Variants in CCDC80 observed in about 807,000 individuals in gnomAD.
The protein encoded by CCDC80 is coiled-coil domain containing 80, also known as coiled-coil domain-containing protein 80.
A neutral mutation model predicts 78.7 loss-of-function variants in CCDC80; 49 were observed. The ratio of observed to expected loss-of-function variants is 0.62; its 90% CI spans 0.50 to 0.79. The LOEUF is 0.79. CCDC80 is among the 30% of genes least tolerant of loss of function. The pLI is 0.00. For synonymous variants in CCDC80, 488 were observed against 447.0 expected, an observed-to-expected ratio of 1.09 and a Z score of -1.16; for missense variants, 1,205 against 1,198.6, an observed-to-expected ratio of 1.01 and a Z score of -0.08.
chr3:112,607,195 T>C lies in CCDC80; in HGVS notation c.2487A>G (p.Leu829=). Residue 829 remains leucine, a synonymous_variant, in exon 7 of 8, where the codon TTA becomes TTG. Transcript: ENST00000206423. ...CATTACCATTAATTGGGAACAGTTC[T>C]AACACTCCCCCAACTTCCTCTCCAA... ...LGVGEEVGGV[L]ELFPINGSSV... is the part of the protein sequence containing the mutation. 10 of 1,613,562 alleles carry C rather than the reference T, an allele frequency of 6.2e-6. No individual in the cohort carries two copies. The highest frequency in any genetic ancestry group is 8.5e-6 in the Non-Finnish European group (10 of 1,179,506).
rs1936276218 is a variant in CCDC80, at chr3:112,638,966, C to A, written c.940G>T (p.Asp314Tyr). 2.5e-6 allele frequency: 4 copies of A among 1,612,584 alleles called. No individual in the cohort carries two copies. The South Asian group carries it at 4.4e-5, about 18-fold the overall frequency. ...GGTGGGACTTGTGCTCTCCTTGGGTCCTCTTTCTTCTTCTCGCTGCCCAGG... is the reference window on the plus strand; with the variant it reads ...GGTGGGACTTGTGCTCTCCTTGGGTACTCTTTCTTCTTCTCGCTGCCCAGG... ...PSLGSEKKKEDPRRAQVPPTR... is the reference protein window; with the variant it reads ...PSLGSEKKKEYPRRAQVPPTR... The change falls in exon 2 of 8, where the codon GAC becomes TAC. Residue 314 changes from aspartate to tyrosine, a missense_variant. Transcript: ENST00000206423.
intron 5 of CCDC80, among the ~76,000 whole-genome samples, chr3:112,614,253 G>A (rs1333924821): frequency 6.6e-6 from 1 of 152,054 alleles, no homozygotes; most frequent in Non-Finnish European, 1.5e-5. Context: ...AAAAGTGATG[G>A]CAAAAATTTG....
intron 5 of CCDC80, among the ~76,000 whole-genome samples, chr3:112,615,213 G>A (rs375778971): frequency 2.1e-4 from 32 of 152,242 alleles, no homozygotes; most frequent in East Asian, 1.5e-3. Flanking sequence ...GAAGACCCAA[G>A]CCTCACAAAT....
At position 112,619,077 on chromosome 3, in the gene CCDC80, T is replaced by G. The variant is rs776014830; in HGVS notation, c.2063A>C (p.Asp688Ala). 1.4e-5 allele frequency: 23 copies of G among 1,603,384 alleles called. No homozygotes were observed. The highest frequency in any genetic ancestry group is 1.9e-5 in the Non-Finnish European group (22 of 1,176,368). ...LDNEKPMRVV[D>A]DEDLVDQRLI... ...ACGCTGGTCTACCAAGTCTTCATCATCCACCACTCGCATGGGCTTCTCATT... is the reference window on the plus strand; with the variant it reads ...ACGCTGGTCTACCAAGTCTTCATCAGCCACCACTCGCATGGGCTTCTCATT... Residue 688 changes from aspartate to alanine, a missense_variant, in exon 4 of 8, where the codon GAT becomes GCT. By Grantham distance (126) the Asp-to-Ala change is moderately radical. Transcript: ENST00000206423.
intron 3 of CCDC80, among the ~76,000 whole-genome samples, chr3:112,629,517 C>T (rs913369045): frequency 1.3e-5 from 2 of 152,172 alleles, no homozygotes; most frequent in African/African-American, 4.8e-5. Context: ...CTGTACGCCT[C>T]ATGAGTCTCA....
rs1935347591 is a variant in CCDC80 at position 112,600,046 on chromosome 3, AAGAAATGCTTTTATGG to A, written c.*5355_*5370del. The A allele has an allele frequency of 6.6e-6, 1 of 152,220 alleles. No individual in the cohort carries two copies. The highest frequency in any genetic ancestry group is 2.4e-5 in the African/African-American group (1 of 41,458). 9.4% of individuals were successfully genotyped at this position (152,220 alleles called of 1,614,324 possible). ...GGGAGTTTGGTAAGAAACGTTTGGG[AAGAAATGCTTTTATGG>A]AGAAACTACTCAGATTTGAAACTAC... On this transcript the variant is annotated 3_prime_UTR_variant, in exon 8 of 8. Transcript: ENST00000206423.
chr3:112,618,984 A>G lies in CCDC80; in HGVS notation c.2156T>C (p.Val719Ala), dbSNP rs1163936078. 14 of 1,613,840 alleles carry G rather than the reference A, an allele frequency of 8.7e-6. No individual in the cohort carries two copies. The highest frequency in any genetic ancestry group is 1.1e-5 in the Non-Finnish European group (13 of 1,179,964). Residue 719 changes from valine (V) to alanine (A), a missense_variant, in exon 4 of 8, where the codon GTG becomes GCG. Val to Ala is a moderately conservative substitution (Grantham distance 64, BLOSUM62 0). Coordinates refer to ENST00000206423, the MANE Select transcript of CCDC80 (RefSeq NM_199511.3). ...AAACTGTACCTTGACTCTCAGATCCACATCTGTTAGCACCATGAAGAAGTC... is the reference window on the plus strand; with the variant it reads ...AAACTGTACCTTGACTCTCAGATCCGCATCTGTTAGCACCATGAAGAAGTC... Reference protein sequence around the residue: ...YNDFFMVLTDVDLRVKQYYEV... With the variant: ...YNDFFMVLTDADLRVKQYYEV...
intron 2 of CCDC80, among the ~76,000 whole-genome samples, chr3:112,630,779 T>G (rs1488498199): frequency 6.6e-6 from 1 of 152,206 alleles, no homozygotes; most frequent in Non-Finnish European, 1.5e-5. Flanking sequence ...GAACTCTTAT[T>G]AGAAAACCTT....
In CCDC80 at chr3:112,638,340, G is replaced by A. The variant is rs544919809; in HGVS notation, c.1566C>T (p.Asp522=). ...GGGGAACATTCCCCACCTGCAGCTC[G>A]TCCTCCAGCTGAGAGGCAGTAGGCC... The part of the protein sequence containing the change: ...LSRPTASQLE[D]ELQVGNVPLK... The change falls in exon 2 of 8, where the codon GAC becomes GAT. Residue 522 remains aspartate (D), a synonymous_variant. Transcript: ENST00000206423. 2.7e-4 allele frequency: 436 copies of A among 1,613,812 alleles called. 6 individuals are homozygous for A. The South Asian group carries it at 4.0e-3, about 15-fold the overall frequency.
intron 2 of CCDC80, among the ~76,000 whole-genome samples, chr3:112,635,086 C>T (rs1398488048): frequency 6.6e-6 from 1 of 152,176 alleles, no homozygotes; most frequent in Non-Finnish European, 1.5e-5. Context: ...CTGGCTCCAC[C>T]TGCAGCTCCT....
intron 2 of CCDC80, among the ~76,000 whole-genome samples, chr3:112,630,578 A>G (rs1936078128): frequency 6.6e-6 from 1 of 152,236 alleles, no homozygotes; most frequent in Admixed American, 6.5e-5. Context: ...TGCTGTGAAC[A>G]TTACATGAAT....
At position 112,619,080 on chromosome 3, in the gene CCDC80, A is replaced by T; in HGVS notation, c.2060T>A (p.Val687Glu). The change falls in exon 4 of 8, where the codon GTG (valine) becomes GAG (glutamate). Residue 687 changes from valine to glutamate, a missense_variant. Physicochemically the swap from Val to Glu is moderately radical, Grantham distance 121. Coordinates refer to ENST00000206423, the MANE Select transcript of CCDC80 (RefSeq NM_199511.3). ...CTGGTCTACCAAGTCTTCATCATCC[A>T]CCACTCGCATGGGCTTCTCATTATC... The part of the protein sequence containing the change: ...QLDNEKPMRV[V>E]DDEDLVDQRL... 6.2e-7 allele frequency: 1 copy of T among 1,602,018 alleles called. No individual in the cohort carries two copies. The highest frequency in any genetic ancestry group is 8.5e-7 in the Non-Finnish European group (1 of 1,175,792).
At chr3:112,616,677 C>T in intron 5 of CCDC80, 33 bp downstream of exon 5, 3 of 1,612,740 alleles carry the variant, frequency 1.9e-6, no homozygotes, top group Non-Finnish European at 2.5e-6. Flanking sequence ...CAAATTTGCA[C>T]CTTCCTCTTT....
intron 3 of CCDC80, among the ~76,000 whole-genome samples, chr3:112,629,347 G>C (rs1481881362): frequency 6.6e-6 from 1 of 150,854 alleles, no homozygotes; most frequent in African/African-American, 2.4e-5. Context: ...AAGAAAAAAA[G>C]CTTTTTAAAA....
In CCDC80 at chr3:112,599,259, A is replaced by T. The variant is rs1307969878; in HGVS notation, c.*6158T>A. 1 of 152,122 alleles carries T rather than the reference A, an allele frequency of 6.6e-6. No homozygotes were observed. Among genetic ancestry groups the T allele is most frequent in the Non-Finnish European group, 1.5e-5 (1 of 68,026 alleles). The allele number at this position is 152,122 out of a possible 1,614,324, so 9.4% of individuals were successfully genotyped here. A position where few individuals can be genotyped will look rare whatever the true frequency, so the allele number is the denominator to read the frequency against. On this transcript the variant is annotated 3_prime_UTR_variant, in exon 8 of 8. Coordinates refer to ENST00000206423, the MANE Select transcript of CCDC80 (RefSeq NM_199511.3). ...CCCATTTCTGTGTATCATTTCATTG[A>T]TTTCTGTGACAGCTGGCCCTTTGCC... is the stretch of plus-strand genomic sequence containing the variant.
intron 5 of CCDC80, among the ~76,000 whole-genome samples, chr3:112,616,444 G>GAAAAAAAAAAAAAA (rs1935747901): frequency 7.3e-6 from 1 of 137,392 alleles, no homozygotes; most frequent in African/African-American, 3.0e-5. Context: ...GAAAAAAAAA[G>GAAAAAAAAAAAAAA]AAAAGAAAAA....
At position 112,605,663 on chromosome 3, in the gene CCDC80, G is replaced by T. The variant is rs201558070; in HGVS notation, c.2607C>A (p.Val869=). 4 of 1,614,152 alleles carry T rather than the reference G, an allele frequency of 2.5e-6. No homozygotes were observed. Among genetic ancestry groups the T allele is most frequent in the Non-Finnish European group, 3.4e-6 (4 of 1,180,026 alleles). ...AGGATTTGACATTTCCGTCTTTTCC[G>T]ACTAGAAGCATGGAGAAGTACTCCG... ...VSPEYFSMLL[V]GKDGNVKSWY... Residue 869 remains valine (V), a synonymous_variant, in exon 8 of 8, where the codon GTC becomes GTA. Transcript: ENST00000206423.
chr3:112,611,205 G>T (rs1329720972), intron 5 of CCDC80, among the ~76,000 whole-genome samples: 1 of 152,064 alleles, frequency 6.6e-6, no homozygotes, highest in Non-Finnish European at 1.5e-5. Flanking sequence ...GAGCCACTGC[G>T]CCCAGCCTTC....
chr3:112,625,621 T>C (rs1449830393), intron 3 of CCDC80, among the ~76,000 whole-genome samples: 2 of 152,174 alleles, frequency 1.3e-5, no homozygotes, highest in African/African-American at 4.8e-5. Context: ...AGAAATATTT[T>C]AAGTGAAAAA....
Sources: allele counts gnomAD v4.1 joint callset (sites outside exome capture counted in the v4.1 genomes callset), GRCh38; gene constraint gnomAD v4.1.1; transcripts MANE v1.5; gene names NCBI Gene and HGNC (gene_info 2026-07-23, HGNC 2026-07-21).